Variants in FOXL2NB observed in about 807,000 individuals in gnomAD.
FOXL2NB encodes FOXL2 neighbor, also known as FOXL2 neighbor protein.
FOXL2NB carries 10 observed loss-of-function variants against 7.4 expected under a neutral mutation model. The ratio of observed to expected loss-of-function variants is 1.34; its 90% CI spans 0.83 to 2.28. The LOEUF (loss-of-function observed/expected upper bound fraction) is 2.28. Among genes scored for constraint, FOXL2NB ranks in the 30% most tolerant of loss-of-function variants. The pLI is 0.00. For synonymous variants in FOXL2NB, 104 were observed against 105.3 expected (o/e 0.99, Z 0.08); for missense variants, 228 against 233.9 (o/e 0.97, Z 0.17).
Position 138,949,375 on chromosome 3 carries a change from T to C in FOXL2NB, c.101-145T>C. ...CCCTTTTCAGCCTTTAAAGAGCCTG[T>C]GTGTGTATGCATGTGCGTGTGTGTG... On this transcript the variant is annotated intron_variant, in intron 1 of 2. Coordinates refer to ENST00000383165, the MANE Select transcript of FOXL2NB (RefSeq NM_001040061.3). This position sits in a 1 kb window ranked among gnomAD's most constrained non-coding sequence, Gnocchi z 4.5. The C allele has an allele frequency of 1.1e-6, 1 of 891,848 alleles. No individual in the cohort carries two copies. The highest frequency in any genetic ancestry group is 1.8e-5 in the South Asian group (1 of 55,592). The allele number at this position is 891,848 out of a possible 1,614,324, so 55.2% of individuals were successfully genotyped here. A position where few individuals can be genotyped will look rare whatever the true frequency, so the allele number is the denominator to read the frequency against.
rs747995258 is a variant in FOXL2NB, at chr3:138,949,651, C to A, written c.220+12C>A. 16 of 1,613,870 alleles carry A rather than the reference C, an allele frequency of 9.9e-6. No homozygotes were observed. The East Asian group carries it at 3.6e-4, about 36-fold the overall frequency. ...GGCTCAGAAAACAGGCAAGAAAATG[C>A]GGGCGGGAAAGCTGGCAGAATGATT... is the stretch of plus-strand genomic sequence containing the variant. On this transcript the variant is annotated intron_variant, in intron 2 of 2. Coordinates refer to ENST00000383165, the MANE Select transcript of FOXL2NB (RefSeq NM_001040061.3). This position sits in a 1 kb window ranked among gnomAD's most constrained non-coding sequence, Gnocchi z 4.5.
At position 138,947,395 on chromosome 3, in the gene FOXL2NB, AC is replaced by A; in HGVS notation, c.34del (p.Arg12GlyfsTer28). ...GAGGACCCCGGTGGGGTCTGCCCGC[AC>A]CCGGCCAAAGCCCAGGAAGCTCGGG... MTRTPVGSARTRPKPRKLGPQ... is the reference protein window; with the variant it reads MTRTPVGSARXRPKPRKLGPQ... On this transcript the variant is annotated frameshift_variant, in exon 1 of 3. Coordinates refer to ENST00000383165, the MANE Select transcript of FOXL2NB (RefSeq NM_001040061.3). LOFTEE classifies it high-confidence loss of function. The surrounding 1 kb of genome is among the most constrained non-coding windows in gnomAD (Gnocchi z 5.2). 6.5e-7 allele frequency: 1 copy of A among 1,535,798 alleles called. No individual in the cohort carries two copies. Among genetic ancestry groups the A allele is most frequent in the Non-Finnish European group, 8.8e-7 (1 of 1,138,702 alleles).
Position 138,949,252 on chromosome 3 carries a change from C to CT in FOXL2NB, c.101-266dup, listed in dbSNP as rs1261274385. ...TCTCTGCGTCTCTCTGTCTTTCTTT[C>CT]TTCTTCTCACAGGCATTTCCGCTGC... On this transcript the variant is annotated intron_variant, in intron 1 of 2. Transcript: ENST00000383165. The surrounding 1 kb of genome is among the most constrained non-coding windows in gnomAD (Gnocchi z 4.5). Among the ~76,000 whole-genome samples the CT allele has an allele frequency of 6.6e-6, 1 of 151,338 alleles. No individual in the cohort carries two copies. The highest frequency in any genetic ancestry group is 1.5e-5 in the Non-Finnish European group (1 of 67,870).
In FOXL2NB at chr3:138,952,512, CT is replaced by C. The variant is rs570190507; in HGVS notation, c.*1953del. The C allele has an allele frequency of 2.1e-3, 300 of 141,850 alleles. No homozygotes were observed. The highest frequency in any genetic ancestry group is 0.011 in the Middle Eastern group (3 of 274). The allele number at this position is 141,850 out of a possible 1,614,324, so 8.8% of individuals were successfully genotyped here. On this transcript the variant is annotated 3_prime_UTR_variant, in exon 3 of 3. Coordinates refer to ENST00000383165, the MANE Select transcript of FOXL2NB (RefSeq NM_001040061.3). The stretch of plus-strand genomic sequence containing the variant: ...GTGTGCACTATAACTTTATGAAACA[CT>C]TTTTTTTTTTTTGAGACAGGGTCTC...
rs1423060621 is a variant in FOXL2NB, at chr3:138,950,285, C to A, written c.241C>A (p.Arg81=). The part of the protein sequence containing the change: ...QKTGPGILQQ[R]QKPPAPRASG... ...CCCAGGGCCGGGAATCCTGCAACAG[C>A]GGCAGAAGCCGCCCGCGCCTCGGGC... Residue 81 remains arginine, a synonymous_variant, in exon 3 of 3, where the codon CGG becomes AGG. Transcript: ENST00000383165. 1.9e-6 allele frequency: 3 copies of A among 1,604,968 alleles called. No individual in the cohort carries two copies. The highest frequency in any genetic ancestry group is 2.5e-6 in the Non-Finnish European group (3 of 1,177,654).
At position 138,949,845 on chromosome 3, in the gene FOXL2NB, G is replaced by A. The variant is rs1481648714; in HGVS notation, c.220+206G>A. 1.3e-6 allele frequency: 1 copy of A among 746,532 alleles called. No homozygotes were observed. The highest frequency in any genetic ancestry group is 2.0e-5 in the Admixed American group (1 of 49,944). 46.2% of individuals were successfully genotyped at this position (746,532 alleles called of 1,614,324 possible). A position where few individuals can be genotyped will look rare whatever the true frequency, so the allele number is the denominator to read the frequency against. On this transcript the variant is annotated intron_variant, in intron 2 of 2. Coordinates refer to ENST00000383165, the MANE Select transcript of FOXL2NB (RefSeq NM_001040061.3). The surrounding 1 kb of genome is among the most constrained non-coding windows in gnomAD (Gnocchi z 4.5). ...CGCCCTGATTTACTTCTCAACCTTC[G>A]GAGGTAGGCTGGTTGCTGGCGAGGT... is the stretch of plus-strand genomic sequence containing the variant.
rs1429717834 is a variant in FOXL2NB at position 138,949,493 on chromosome 3, A to G, written c.101-27A>G. 3 of 1,613,508 alleles carry G rather than the reference A, an allele frequency of 1.9e-6. No homozygotes were observed. The Admixed American group carries it at 5.0e-5, about 27-fold the overall frequency. On this transcript the variant is annotated intron_variant, in intron 1 of 2. Coordinates refer to ENST00000383165, the MANE Select transcript of FOXL2NB (RefSeq NM_001040061.3). This position sits in a 1 kb window ranked among gnomAD's most constrained non-coding sequence, Gnocchi z 4.5. ...AAGGAGTTCTGCTCTGAAAATACTG[A>G]TTTCTGACTGTCCCGTAGAGGAACA...
chr3:138,949,386 ATGTGCGTG>A lies in FOXL2NB; in HGVS notation c.101-129_101-122del. On this transcript the variant is annotated intron_variant, in intron 1 of 2. Coordinates refer to ENST00000383165, the MANE Select transcript of FOXL2NB (RefSeq NM_001040061.3). This position sits in a 1 kb window ranked among gnomAD's most constrained non-coding sequence, Gnocchi z 4.5. ...CTTTAAAGAGCCTGTGTGTGTATGC[ATGTGCGTG>A]TGTGTGTGTGTGTGTGTGTGTGTAG... is the stretch of plus-strand genomic sequence containing the variant. The A allele has an allele frequency of 1.1e-6, 1 of 885,724 alleles. No individual in the cohort carries two copies. The highest frequency in any genetic ancestry group is 1.6e-6 in the Non-Finnish European group (1 of 625,158). The allele number at this position is 885,724 out of a possible 1,614,324, so 54.9% of individuals were successfully genotyped here. A position where few individuals can be genotyped will look rare whatever the true frequency, so the allele number is the denominator to read the frequency against.
chr3:138,949,548 G>T lies in FOXL2NB; in HGVS notation c.129G>T (p.Met43Ile), dbSNP rs1277360172. 8.1e-6 allele frequency: 13 copies of T among 1,614,050 alleles called. No individual in the cohort carries two copies. Among genetic ancestry groups the T allele is most frequent in the Non-Finnish European group, 1.0e-5 (12 of 1,180,028 alleles). Residue 43 changes from methionine to isoleucine, a missense_variant, in exon 2 of 3, where the codon ATG (methionine) becomes ATT (isoleucine). Coordinates refer to ENST00000383165, the MANE Select transcript of FOXL2NB (RefSeq NM_001040061.3). This position sits in a 1 kb window ranked among gnomAD's most constrained non-coding sequence, Gnocchi z 4.5. The part of the protein sequence containing the change: ...SESPALVKKR[M>I]PDACTLGRAG... Reference sequence around the variant, plus strand: ...CCCCAGCCCTGGTGAAGAAGAGGATGCCTGATGCGTGCACCCTGGGAAGGG... The same window carrying T: ...CCCCAGCCCTGGTGAAGAAGAGGATTCCTGATGCGTGCACCCTGGGAAGGG...
chr3:138,948,620 G>A (rs1400314889), intron 1 of FOXL2NB, among the ~76,000 whole-genome samples: 1 of 152,162 alleles, frequency 6.6e-6, no homozygotes, highest in Non-Finnish European at 1.5e-5. Context: ...TGTCTGGAGT[G>A]GCTGACTCAA....
At position 138,947,418 on chromosome 3, in the gene FOXL2NB, C is replaced by G. The variant is rs1378422065; in HGVS notation, c.54C>G (p.Leu18=). ...SARTRPKPRK[L]GPQRGKALQA... ...GCACCCGGCCAAAGCCCAGGAAGCT[C>G]GGGCCCCAGCGAGGAAAGGCGCTCC... is the stretch of plus-strand genomic sequence containing the variant. Residue 18 remains leucine, a synonymous_variant, in exon 1 of 3, where the codon CTC becomes CTG. Transcript: ENST00000383165. The surrounding 1 kb of genome is among the most constrained non-coding windows in gnomAD (Gnocchi z 5.2). 3 of 1,543,448 alleles carry G rather than the reference C, an allele frequency of 1.9e-6. No homozygotes were observed. Among genetic ancestry groups the G allele is most frequent in the African/African-American group, 2.7e-5 (2 of 72,732 alleles).
At position 138,950,380 on chromosome 3, in the gene FOXL2NB, A is replaced by C. The variant is rs60650442; in HGVS notation, c.336A>C (p.Pro112=). ...CSEAGSASLE[P]LSSSRAAAGC... ...AGGCAGGCAGCGCTTCGCTAGAACC[A>C]CTCAGCTCGTCCCGCGCCGCCGCCG... is the stretch of plus-strand genomic sequence containing the variant. Residue 112 remains proline, a synonymous_variant, in exon 3 of 3, where the codon CCA becomes CCC. Coordinates refer to ENST00000383165, the MANE Select transcript of FOXL2NB (RefSeq NM_001040061.3). 7.1e-5 allele frequency: 114 copies of C among 1,612,532 alleles called. 2 individuals carry two copies. Among genetic ancestry groups the C allele is most frequent in the Middle Eastern group, 6.6e-4 (4 of 6,024 alleles).
Position 138,951,033 on chromosome 3 carries a change from G to C in FOXL2NB, c.*461G>C, listed in dbSNP as rs1262609081. The C allele has an allele frequency of 1.1e-5, 2 of 180,950 alleles. No homozygotes were observed. Among genetic ancestry groups the C allele is most frequent in the Non-Finnish European group, 2.3e-5 (2 of 88,762 alleles). The allele number at this position is 180,950 out of a possible 1,614,324, so 11.2% of individuals were successfully genotyped here. ...GCCGCACAGACCACAGAGAAGCTCA[G>C]GTACTGAGCACGTTCCAGATACACT... On this transcript the variant is annotated 3_prime_UTR_variant, in exon 3 of 3. Transcript: ENST00000383165.
At chr3:138,948,328 G>A (rs1269985143) in intron 1 of FOXL2NB, among the ~76,000 whole-genome samples, 2 of 152,208 alleles carry the variant, frequency 1.3e-5, no homozygotes, top group South Asian at 4.1e-4. Flanking sequence ...GGAGTTAGTT[G>A]TCACCTACCT....
At position 138,949,382 on chromosome 3, in the gene FOXL2NB, ATGCATG is replaced by A; in HGVS notation, c.101-134_101-129del. The A allele has an allele frequency of 2.2e-6, 2 of 911,420 alleles. No individual in the cohort carries two copies. Among genetic ancestry groups the A allele is most frequent in the Non-Finnish European group, 3.2e-6 (2 of 633,262 alleles). The allele number at this position is 911,420 out of a possible 1,614,324, so 56.5% of individuals were successfully genotyped here. ...CAGCCTTTAAAGAGCCTGTGTGTGT[ATGCATG>A]TGCGTGTGTGTGTGTGTGTGTGTGT... On this transcript the variant is annotated intron_variant, in intron 1 of 2. Coordinates refer to ENST00000383165, the MANE Select transcript of FOXL2NB (RefSeq NM_001040061.3). This position sits in a 1 kb window ranked among gnomAD's most constrained non-coding sequence, Gnocchi z 4.5.
At position 138,950,604 on chromosome 3, in the gene FOXL2NB, T is replaced by G; in HGVS notation, c.*32T>G. On this transcript the variant is annotated 3_prime_UTR_variant, in exon 3 of 3. Coordinates refer to ENST00000383165, the MANE Select transcript of FOXL2NB (RefSeq NM_001040061.3). ...CCCATACACTCCACGCCTCAACAACTGTCAGCACTCACTCCCTCCCGGCCC... is the reference window on the plus strand; with the variant it reads ...CCCATACACTCCACGCCTCAACAACGGTCAGCACTCACTCCCTCCCGGCCC... 1 of 1,608,068 alleles carries G rather than the reference T, an allele frequency of 6.2e-7. No individual in the cohort carries two copies. Among genetic ancestry groups the G allele is most frequent in the South Asian group, 1.1e-5 (1 of 89,934 alleles).
rs1218894780 is a variant in FOXL2NB, at chr3:138,950,945, T to A, written c.*373T>A. 7.3e-6 allele frequency: 2 copies of A among 273,988 alleles called. No individual in the cohort carries two copies. The highest frequency in any genetic ancestry group is 1.4e-5 in the Non-Finnish European group (2 of 145,972). 17.0% of individuals were successfully genotyped at this position (273,988 alleles called of 1,614,324 possible). A position where few individuals can be genotyped will look rare whatever the true frequency, so the allele number is the denominator to read the frequency against. On this transcript the variant is annotated 3_prime_UTR_variant, in exon 3 of 3. Coordinates refer to ENST00000383165, the MANE Select transcript of FOXL2NB (RefSeq NM_001040061.3). Reference sequence around the variant, plus strand: ...GACTCCGAGAAGCCTGTTGATTCTCTGATGTCCTTGGCCTGTGATTCGGGT... The same window carrying A: ...GACTCCGAGAAGCCTGTTGATTCTCAGATGTCCTTGGCCTGTGATTCGGGT...
Position 138,950,832 on chromosome 3 carries a change from A to G in FOXL2NB, c.*260A>G, listed in dbSNP as rs1936117744. Reference sequence around the variant, plus strand: ...ATGTTGGTGGAAAACATGTCAAGCCAATGTGCAGACCCTAAGGCTTTTCAC... The same window carrying G: ...ATGTTGGTGGAAAACATGTCAAGCCGATGTGCAGACCCTAAGGCTTTTCAC... On this transcript the variant is annotated 3_prime_UTR_variant, in exon 3 of 3. Transcript: ENST00000383165. 2 of 531,052 alleles carry G rather than the reference A, an allele frequency of 3.8e-6. No individual in the cohort carries two copies. Among genetic ancestry groups the G allele is most frequent in the Non-Finnish European group, 6.6e-6 (2 of 304,026 alleles). The allele number at this position is 531,052 out of a possible 1,614,324, so 32.9% of individuals were successfully genotyped here.
chr3:138,949,599 C>G lies in FOXL2NB; in HGVS notation c.180C>G (p.Cys60Trp), dbSNP rs758177237. The G allele has an allele frequency of 1.2e-6, 2 of 1,614,122 alleles. No homozygotes were observed. Among genetic ancestry groups the G allele is most frequent in the South Asian group, 2.2e-5 (2 of 91,076 alleles). Residue 60 changes from cysteine to tryptophan, a missense_variant, in exon 2 of 3, where the codon TGC becomes TGG. By Grantham distance (215) the Cys-to-Trp change is radical (BLOSUM62 -2). Transcript: ENST00000383165. This position sits in a 1 kb window ranked among gnomAD's most constrained non-coding sequence, Gnocchi z 4.5. The part of the protein sequence containing the change: ...GRAGIGLPKM[C>W]LHMAVRHSKA... Reference sequence around the variant, plus strand: ...CTGGAATCGGTCTCCCCAAGATGTGCCTTCACATGGCTGTCCGGCATTCGA... The same window carrying G: ...CTGGAATCGGTCTCCCCAAGATGTGGCTTCACATGGCTGTCCGGCATTCGA...
Sources: gnomAD v4.1 joint callset for allele counts (sites outside exome capture counted in the v4.1 genomes callset) on GRCh38, gnomAD v4.1.1 for gene constraint, Gnocchi (gnomAD v3.1) non-coding constraint, MANE v1.5 for transcripts, NCBI Gene and HGNC (gene_info 2026-07-23, HGNC 2026-07-21) for gene names.